MRPS6: variants seen among roughly 807,000 people sequenced by gnomAD.
MRPS6 encodes small ribosomal subunit protein bS6m.
Under a neutral mutation model 13.1 loss-of-function variants are expected in MRPS6, and 6 were observed. The observed-to-expected ratio is 0.46, with a 90% CI of 0.25 to 0.91. MRPS6 has a LOEUF of 0.91. Among genes scored for constraint, MRPS6 ranks in the 40% least tolerant of loss-of-function variants. The pLI, the probability that MRPS6 is intolerant of heterozygous loss-of-function variation, is 0.18. For synonymous variants in MRPS6, 61 were observed against 56.5 expected, an observed-to-expected ratio of 1.08 and a Z score of -0.36; for missense variants, 164 against 155.6, an observed-to-expected ratio of 1.05 and a Z score of -0.29.
intron 2 of MRPS6, among the ~76,000 whole-genome samples, chr21:34,138,999 A>G (rs1980806720): frequency 1.3e-5 from 2 of 151,286 alleles, no homozygotes; most frequent in Non-Finnish European, 1.5e-5. Context: ...ATGGAATACT[A>G]TGCAGCCATA....
At chr21:34,098,578 A>C (rs1979080730) in intron 1 of MRPS6, 1 of 1,000,156 alleles carries the variant, frequency 1.0e-6, no homozygotes, top group Admixed American at 6.2e-5. Context: ...CAGAAAACTC[A>C]GTGCATACTT....
intron 1 of MRPS6, among the ~76,000 whole-genome samples, chr21:34,087,531 A>G (rs1978457070): frequency 6.6e-6 from 1 of 152,234 alleles, no homozygotes; most frequent in South Asian, 2.1e-4. Flanking sequence ...TTTAAGTTTT[A>G]TAGCGTGTTA....
At chr21:34,092,125 CAT>C (rs143732686) in intron 1 of MRPS6, among the ~76,000 whole-genome samples, 10,653 of 149,410 alleles carry the variant, frequency 0.071, 450 homozygotes, top group Middle Eastern at 0.16. Context: ...GGAAGAAAAA[CAT>C]ATATATATAT....
intron 1 of MRPS6, among the ~76,000 whole-genome samples, chr21:34,093,696 G>A (rs148635245): frequency 2.0e-5 from 3 of 152,270 alleles, no homozygotes; most frequent in East Asian, 1.9e-4. Context: ...ATTGTTGTTC[G>A]TATTGATCTG....
intron 1 of MRPS6, among the ~76,000 whole-genome samples, chr21:34,083,492 T>C (rs893206536): frequency 1.3e-5 from 2 of 152,200 alleles, no homozygotes; most frequent in South Asian, 2.1e-4. Flanking sequence ...AGGCATGTTG[T>C]AGGAAAGGTG....
intron 1 of MRPS6, chr21:34,097,610 G>GA: frequency 8.3e-7 from 1 of 1,208,288 alleles, no homozygotes; most frequent in Non-Finnish European, 1.0e-6. Flanking sequence ...ACCAAAGTAA[G>GA]AAGAGACCAA....
intron 1 of MRPS6, 69 bp downstream of exon 1, chr21:34,073,814 C>T (rs1437408499): frequency 8.0e-6 from 10 of 1,246,686 alleles, no homozygotes; most frequent in East Asian, 7.8e-5. Context: ...CCGCCGTCCC[C>T]CGCGCGCCCT....
rs559463450 is a variant in MRPS6, at chr21:34,094,165, T to A, written c.45+20420T>A. The stretch of plus-strand genomic sequence containing the variant: ...CTTCTAACTGGCAGAAATAATACAA[T>A]TTTTGAGTTGTTTTGTAAGTTGGAT... On this transcript the variant is annotated intron_variant, in intron 1 of 2. Coordinates refer to ENST00000399312, the MANE Select transcript of MRPS6 (RefSeq NM_032476.4). Among the ~76,000 whole-genome samples, 7 of 152,304 alleles carry A rather than the reference T, an allele frequency of 4.6e-5. No homozygotes were observed. The South Asian group carries it at 1.4e-3, about 32-fold the overall frequency.
At chr21:34,133,439 T>C (rs1247783905) in intron 2 of MRPS6, among the ~76,000 whole-genome samples, 1 of 152,228 alleles carries the variant, frequency 6.6e-6, no homozygotes, top group Non-Finnish European at 1.5e-5. Context: ...TTGAGACTCC[T>C]AGGCTAGCTC....
chr21:34,112,747 A>C (rs890887738), intron 1 of MRPS6, among the ~76,000 whole-genome samples: 4 of 152,158 alleles, frequency 2.6e-5, no homozygotes, highest in Non-Finnish European at 4.4e-5. Context: ...GCCTCTGGTA[A>C]CCACCATTCT....
chr21:34,105,432 AT>A (rs1222239641), intron 1 of MRPS6: 1 of 998,592 alleles, frequency 1.0e-6, no homozygotes, highest in Non-Finnish European at 1.2e-6. Context: ...TCATTCATTT[AT>A]TTTTAAGCCA....
At chr21:34,100,090 T>C in intron 1 of MRPS6, 1 of 998,868 alleles carries the variant, frequency 1.0e-6, no homozygotes, top group Non-Finnish European at 1.2e-6. Context: ...TATTTTTATA[T>C]TAGCTCAAGC....
intron 1 of MRPS6, among the ~76,000 whole-genome samples, chr21:34,113,283 C>T (rs886472157): frequency 3.9e-5 from 6 of 152,086 alleles, no homozygotes; most frequent in African/African-American, 1.2e-4. Context: ...TTCCTGTGTT[C>T]GTTGCAACAC....
At chr21:34,076,445 T>C (rs189647228) in intron 1 of MRPS6, among the ~76,000 whole-genome samples, 1 of 152,240 alleles carries the variant, frequency 6.6e-6, no homozygotes, top group Non-Finnish European at 1.5e-5. Context: ...GTCAGTCATA[T>C]TGAACTATAC....
chr21:34,090,836 A>T (rs1166950487), intron 1 of MRPS6, among the ~76,000 whole-genome samples: 1 of 152,246 alleles, frequency 6.6e-6, no homozygotes. Flanking sequence ...GTGACGGAGC[A>T]TGGAACCCAG....
At chr21:34,092,668 C>T (rs1978763126) in intron 1 of MRPS6, among the ~76,000 whole-genome samples, 1 of 152,152 alleles carries the variant, frequency 6.6e-6, no homozygotes, top group South Asian at 2.1e-4. Flanking sequence ...AACAGTGCTT[C>T]CCAGTGATTG....
intron 1 of MRPS6, among the ~76,000 whole-genome samples, chr21:34,075,766 C>T (rs1989315335): frequency 6.6e-6 from 1 of 152,170 alleles, no homozygotes; most frequent in Admixed American, 6.5e-5. Context: ...GTGGCACAAA[C>T]ACAAAGACTT....
chr21:34,095,123 T>C, intron 1 of MRPS6: 1 of 1,535,628 alleles, frequency 6.5e-7, no homozygotes, highest in Non-Finnish European at 8.7e-7. Context: ...TTTACAGACT[T>C]GGCTGGGGTT....
chr21:34,141,435 G>A (rs997464578), intron 2 of MRPS6, among the ~76,000 whole-genome samples: 2 of 152,164 alleles, frequency 1.3e-5, no homozygotes, highest in Admixed American at 6.5e-5. Flanking sequence ...CATGATAGAA[G>A]CAAGAGATGA....
Sources: gnomAD v4.1 joint callset for allele counts (sites outside exome capture counted in the v4.1 genomes callset) on GRCh38, gnomAD v4.1.1 for gene constraint, MANE v1.5 for transcripts, NCBI Gene and HGNC (gene_info 2026-07-23, HGNC 2026-07-21) for gene names.